GRID2: variants seen among roughly 807,000 people sequenced by gnomAD.
The protein encoded by GRID2 is glutamate ionotropic receptor delta type subunit 2, also known as glutamate receptor ionotropic, delta-2.
A neutral mutation model predicts 114.8 loss-of-function variants in GRID2; 33 were observed. The observed-to-expected ratio is 0.29, with a 90% CI of 0.22 to 0.38. GRID2 has a LOEUF of 0.38. GRID2 is among the 10% of genes least tolerant of loss of function. GRID2 has a pLI of 1.00. For synonymous variants in GRID2, 505 were observed against 449.9 expected, an observed-to-expected ratio of 1.12 and a Z score of -1.55; for missense variants, 1,184 against 1,257.7, an observed-to-expected ratio of 0.94 and a Z score of 0.89.
intron 7 of GRID2, among the ~76,000 whole-genome samples, chr4:93,229,964 A>C (rs1207540099): frequency 6.6e-6 from 1 of 152,098 alleles, no homozygotes; most frequent in Non-Finnish European, 1.5e-5. Context: ...ATTGTTATTT[A>C]CGTGGATGTT....
rs191408806 is a variant in GRID2, at chr4:92,626,065, A to G, written c.244+35779A>G. On this transcript the variant is annotated intron_variant, in intron 2 of 15. Transcript: ENST00000282020. ...AAATACCTAAAATACTGCATAAAAT[A>G]CAAAAATAATATTTTTGATGCATTG... Among the ~76,000 whole-genome samples the G allele has an allele frequency of 2.2e-3, 337 of 152,124 alleles. 1 individual carries two copies. Among genetic ancestry groups the G allele is most frequent in the Non-Finnish European group, 3.6e-3 (243 of 67,928 alleles).
intron 1 of GRID2, among the ~76,000 whole-genome samples, chr4:92,328,806 C>T (rs1373147455): frequency 6.6e-6 from 1 of 151,888 alleles, no homozygotes; most frequent in Non-Finnish European, 1.5e-5. Flanking sequence ...TAGGAGTGTG[C>T]TTTTCTAACT....
chr4:92,636,777 C>G (rs1023273596), intron 2 of GRID2, among the ~76,000 whole-genome samples: 2 of 152,042 alleles, frequency 1.3e-5, no homozygotes, highest in African/African-American at 4.8e-5. Flanking sequence ...AATTTGACTT[C>G]ACACATCACA....
At chr4:92,393,743 G>T (rs1423478008) in intron 1 of GRID2, among the ~76,000 whole-genome samples, 1 of 151,928 alleles carries the variant, frequency 6.6e-6, no homozygotes, top group African/African-American at 2.4e-5. Context: ...AGTCAAAGGG[G>T]GTAAAATATT....
chr4:93,048,826 C>G (rs1044443415), intron 2 of GRID2, among the ~76,000 whole-genome samples: 1 of 151,992 alleles, frequency 6.6e-6, no homozygotes, highest in African/African-American at 2.4e-5. Flanking sequence ...TTGACATTTC[C>G]TTTTCCGGAG....
intron 2 of GRID2, among the ~76,000 whole-genome samples, chr4:92,887,704 C>T (rs780619815): frequency 6.6e-6 from 1 of 152,134 alleles, no homozygotes; most frequent in Non-Finnish European, 1.5e-5. Context: ...CAGATTTCGC[C>T]TGTGTATTTT....
intron 2 of GRID2, among the ~76,000 whole-genome samples, chr4:92,682,913 T>G (rs545288217): frequency 6.6e-6 from 1 of 152,258 alleles, no homozygotes; most frequent in South Asian, 2.1e-4. Flanking sequence ...AATTGTGGCA[T>G]CTTATGCTTG....
chr4:93,168,051 C>T (rs535829514), intron 4 of GRID2, among the ~76,000 whole-genome samples: 3 of 152,026 alleles, frequency 2.0e-5, no homozygotes, highest in South Asian at 2.1e-4. Flanking sequence ...TAAAACTTAG[C>T]GAGGTGTAGT....
chr4:93,670,384 A>AT (rs932570167), intron 14 of GRID2, among the ~76,000 whole-genome samples: 2 of 152,188 alleles, frequency 1.3e-5, no homozygotes, highest in African/African-American at 4.8e-5. Flanking sequence ...CAAAAGTCAT[A>AT]TTTTTTTCTA....
At chr4:93,008,241 G>A (rs1325617369) in intron 2 of GRID2, among the ~76,000 whole-genome samples, 4 of 151,970 alleles carry the variant, frequency 2.6e-5, no homozygotes, top group South Asian at 2.1e-4. Context: ...CTAAATTCTT[G>A]GGAGGATTTC....
chr4:92,982,175 G>A (rs1480854224), intron 2 of GRID2, among the ~76,000 whole-genome samples: 2 of 151,850 alleles, frequency 1.3e-5, no homozygotes, highest in African/African-American at 4.8e-5. Context: ...TGGTCAAAAT[G>A]AGAGGAAGAA....
intron 10 of GRID2, among the ~76,000 whole-genome samples, chr4:93,446,841 A>C (rs1389890996): frequency 2.6e-5 from 4 of 151,834 alleles, no homozygotes; most frequent in Non-Finnish European, 5.9e-5. Context: ...CTGAAAGGAT[A>C]ACATTTTACA....
Position 93,304,756 on chromosome 4 carries a change from ATAT to A in GRID2, c.1245+66268_1245+66270del, listed in dbSNP as rs560504936. Among the ~76,000 whole-genome samples, 138 of 152,270 alleles carry A rather than the reference ATAT, an allele frequency of 9.1e-4. 4 individuals carry two copies. In the South Asian group the frequency reaches 0.018, roughly 20 times the overall value. ...TTGCTTTGTGTGTAATAGGTAGCAA[ATAT>A]TTTTTTAATTGAATAGAAGGAGTGC... On this transcript the variant is annotated intron_variant, in intron 8 of 15. Coordinates refer to ENST00000282020, the MANE Select transcript of GRID2 (RefSeq NM_001510.4).
At chr4:93,511,458 A>G (rs1410209564) in intron 12 of GRID2, among the ~76,000 whole-genome samples, 1 of 152,154 alleles carries the variant, frequency 6.6e-6, no homozygotes, top group Non-Finnish European at 1.5e-5. Context: ...CTGATCAGAG[A>G]ACAGTAGCAG....
chr4:92,765,087 T>C (rs551198691), intron 2 of GRID2, among the ~76,000 whole-genome samples: 367 of 152,300 alleles, frequency 2.4e-3, no homozygotes, highest in African/African-American at 8.3e-3. Context: ...GCCTAAATGA[T>C]AGTTTTTATT....
chr4:92,534,729 A>G (rs7661958), intron 1 of GRID2, among the ~76,000 whole-genome samples: 68,992 of 151,986 alleles, frequency 0.45, 15,927 homozygotes, highest in Middle Eastern at 0.56. Flanking sequence ...GAAGCCTTAC[A>G]TCACTGGTGA....
At chr4:93,518,576 G>A (rs183182355) in intron 13 of GRID2, among the ~76,000 whole-genome samples, 1 of 152,092 alleles carries the variant, frequency 6.6e-6, no homozygotes, top group Admixed American at 6.6e-5. Context: ...ATTATAGTGG[G>A]TATAAACAAT....
intron 1 of GRID2, among the ~76,000 whole-genome samples, chr4:92,516,821 C>G (rs1724524444): frequency 6.6e-6 from 1 of 151,892 alleles, no homozygotes; most frequent in South Asian, 2.1e-4. Flanking sequence ...CTTCTTTATA[C>G]CCTTTCCAGG....
rs1438464145 is a variant in GRID2 at position 92,931,647 on chromosome 4, A to G, written c.245-153348A>G. On this transcript the variant is annotated intron_variant, in intron 2 of 15. Coordinates refer to ENST00000282020, the MANE Select transcript of GRID2 (RefSeq NM_001510.4). The stretch of plus-strand genomic sequence containing the variant: ...ATACACACACACACACACACACAGC[A>G]TTCGGAATAGATCTAGAGTAACCAA... 2.0e-5 allele frequency among the ~76,000 whole-genome samples: 3 copies of G among 150,042 alleles called. No homozygotes were observed. The East Asian group carries it at 5.8e-4, about 29-fold the overall frequency.
Sources: gnomAD v4.1 joint callset for allele counts (sites outside exome capture counted in the v4.1 genomes callset) on GRCh38, gnomAD v4.1.1 for gene constraint, MANE v1.5 for transcripts, NCBI Gene and HGNC (gene_info 2026-07-23, HGNC 2026-07-21) for gene names.